Variants in CDH13 observed in about 807,000 individuals in gnomAD.
The protein encoded by CDH13 is cadherin-13.
CDH13 carries 24 observed loss-of-function variants against 63.8 expected under a neutral mutation model. The ratio of observed to expected loss-of-function variants is 0.38; its 90% CI spans 0.27 to 0.53. CDH13 has a LOEUF of 0.53. Among genes scored for constraint, CDH13 ranks in the 20% least tolerant of loss-of-function variants. The pLI is 0.85. For synonymous variants in CDH13, 503 were observed against 355.3 expected (o/e 1.42, Z -4.67); for missense variants, 1,049 against 903.1 (o/e 1.16, Z -2.07).
At chr16:83,583,530 G>A (rs1288304791) in intron 7 of CDH13, among the ~76,000 whole-genome samples, 4 of 152,186 alleles carry the variant, frequency 2.6e-5, no homozygotes, top group African/African-American at 2.4e-5. Context: ...CATGGTCAAC[G>A]ATGTATAGGG....
intron 2 of CDH13, among the ~76,000 whole-genome samples, chr16:82,997,481 A>C (rs981626454): frequency 6.6e-6 from 1 of 152,220 alleles, no homozygotes; most frequent in Non-Finnish European, 1.5e-5. Context: ...AAATTAGTGC[A>C]AAAATCCATG....
At chr16:82,745,015 G>T (rs900472469) in intron 1 of CDH13, among the ~76,000 whole-genome samples, 1 of 152,170 alleles carries the variant, frequency 6.6e-6, no homozygotes, top group Non-Finnish European at 1.5e-5. Context: ...GGTGAATTTT[G>T]AGAAGTGACT....
chr16:82,862,494 G>A (rs2039983019), intron 2 of CDH13, among the ~76,000 whole-genome samples: 2 of 152,212 alleles, frequency 1.3e-5, no homozygotes, highest in Admixed American at 6.5e-5. Context: ...AGCAGGGGAT[G>A]AGTGCAGTCT....
chr16:83,095,678 C>G (rs764558919), intron 3 of CDH13, among the ~76,000 whole-genome samples: 1 of 152,032 alleles, frequency 6.6e-6, no homozygotes, highest in South Asian at 2.1e-4. Context: ...TTGAAGTGAC[C>G]GGTACAACCT....
At chr16:83,698,815 A>G (rs1412047525) in intron 10 of CDH13, among the ~76,000 whole-genome samples, 1 of 152,226 alleles carries the variant, frequency 6.6e-6, no homozygotes, top group Non-Finnish European at 1.5e-5. Flanking sequence ...GGTTTTATGG[A>G]CCACACAATC....
intron 1 of CDH13, among the ~76,000 whole-genome samples, chr16:82,724,333 T>C (rs2032963920): frequency 6.6e-6 from 1 of 152,194 alleles, no homozygotes; most frequent in South Asian, 2.1e-4. Context: ...GTTTTATTAA[T>C]AATAGTTGTC....
At chr16:82,748,093 C>T (rs2034256758) in intron 1 of CDH13, among the ~76,000 whole-genome samples, 1 of 152,234 alleles carries the variant, frequency 6.6e-6, no homozygotes, top group South Asian at 2.1e-4. Context: ...CTCTTTGCCC[C>T]CAGTCTCCTA....
intron 1 of CDH13, among the ~76,000 whole-genome samples, chr16:82,835,770 G>T (rs1230929638): frequency 6.6e-6 from 1 of 152,194 alleles, no homozygotes; most frequent in East Asian, 1.9e-4. Flanking sequence ...CTGCTGTGAT[G>T]ATCAATCCAT....
chr16:83,654,185 G>A (rs1303200855), intron 8 of CDH13, among the ~76,000 whole-genome samples: 2 of 152,028 alleles, frequency 1.3e-5, no homozygotes, highest in African/African-American at 4.8e-5. Flanking sequence ...GACTGAATTT[G>A]TTCCGGTTCT....
chr16:82,797,456 T>A (rs1309408564), intron 1 of CDH13, among the ~76,000 whole-genome samples: 1 of 152,192 alleles, frequency 6.6e-6, no homozygotes, highest in South Asian at 2.1e-4. Context: ...AATTCATCAC[T>A]GCCTTCCTCA....
At chr16:83,038,876 T>C (rs901392388) in intron 3 of CDH13, among the ~76,000 whole-genome samples, 4 of 152,220 alleles carry the variant, frequency 2.6e-5, no homozygotes, top group African/African-American at 9.6e-5. Context: ...TGCCTGATTA[T>C]AGATCATGGC....
chr16:83,357,526 G>C (rs1233686095), intron 6 of CDH13, among the ~76,000 whole-genome samples: 3 of 152,140 alleles, frequency 2.0e-5, no homozygotes, highest in Non-Finnish European at 4.4e-5. Context: ...TGGCAGAGTC[G>C]TGTTTGCTGA....
At chr16:83,252,092 T>C (rs1291999604) in intron 5 of CDH13, among the ~76,000 whole-genome samples, 1 of 119,560 alleles carries the variant, frequency 8.4e-6, no homozygotes, top group Non-Finnish European at 1.7e-5. Context: ...TATGTATATA[T>C]GTATATATAT....
At chr16:83,608,335 C>T (rs771865761) in intron 8 of CDH13, among the ~76,000 whole-genome samples, 10 of 152,198 alleles carry the variant, frequency 6.6e-5, no homozygotes, top group Non-Finnish European at 1.3e-4. Flanking sequence ...GAGTTAGGAG[C>T]TGTCAAGCTG....
intron 9 of CDH13, among the ~76,000 whole-genome samples, chr16:83,671,577 A>T (rs920404611): frequency 2.6e-5 from 4 of 152,326 alleles, no homozygotes; most frequent in African/African-American, 9.6e-5. Flanking sequence ...GAAATTCTTT[A>T]TACATTTGCT....
At chr16:83,013,329 C>G (rs1431143343) in intron 2 of CDH13, among the ~76,000 whole-genome samples, 1 of 152,130 alleles carries the variant, frequency 6.6e-6, no homozygotes, top group African/African-American at 2.4e-5. Context: ...GTTTGGAGGC[C>G]TGACTTCACA....
At chr16:83,486,432 G>C (rs1893929400) in intron 6 of CDH13, 45 bp from the exon 7 acceptor site, 2 of 1,566,072 alleles carry the variant, frequency 1.3e-6, no homozygotes, top group Non-Finnish European at 1.7e-6. Flanking sequence ...GGCCGTTGTT[G>C]ACCCATTGAT....
intron 7 of CDH13, among the ~76,000 whole-genome samples, chr16:83,493,656 A>G (rs1292892938): frequency 6.6e-6 from 1 of 152,232 alleles, no homozygotes; most frequent in Non-Finnish European, 1.5e-5. Context: ...GAGAGATACC[A>G]GAAAAGGGCA....
At chr16:82,750,333 T>C (rs76603367) in intron 1 of CDH13, among the ~76,000 whole-genome samples, 2,309 of 152,294 alleles carry the variant, frequency 0.015, 59 homozygotes, top group African/African-American at 0.053. Flanking sequence ...TTAATCTGTT[T>C]TTGGAAAGTC....
Sources: allele counts gnomAD v4.1 joint callset (sites outside exome capture counted in the v4.1 genomes callset), GRCh38; gene constraint gnomAD v4.1.1; transcripts MANE v1.5; gene names NCBI Gene and HGNC (gene_info 2026-07-23, HGNC 2026-07-21).